Variants in GCFC2 observed in about 807,000 individuals in gnomAD.
GCFC2 encodes GC-rich sequence DNA-binding factor 2, also known as intron Large complex component GCFC2.
In GCFC2, 102 loss-of-function variants were observed where a neutral mutation model predicts 99.4. That is an observed-to-expected ratio of 1.03 (90% confidence interval 0.87 to 1.21). The LOEUF is 1.21. GCFC2 is among the 50% of genes most tolerant of loss of function. The pLI is 0.00. For synonymous variants in GCFC2, 338 were observed against 316.8 expected (o/e 1.07, Z -0.71); for missense variants, 973 against 920.9 (o/e 1.06, Z -0.73).
intron 13 of GCFC2, among the ~76,000 whole-genome samples, chr2:75,673,183 G>T (rs191354792): frequency 6.6e-6 from 1 of 152,062 alleles, no homozygotes; most frequent in African/African-American, 2.4e-5. Context: ...GGTGGCGGGC[G>T]CCTGTAGTCC....
intron 2 of GCFC2, among the ~76,000 whole-genome samples, chr2:75,703,136 C>A (rs1288698573): frequency 6.6e-6 from 1 of 152,014 alleles, no homozygotes; most frequent in Non-Finnish European, 1.5e-5. Flanking sequence ...ATAAACTCTT[C>A]CAATTTAAAA....
chr2:75,710,231 C>T (rs1558758618), intron 1 of GCFC2, among the ~76,000 whole-genome samples: 2 of 152,162 alleles, frequency 1.3e-5, no homozygotes, highest in Non-Finnish European at 2.9e-5. Context: ...TAACTTCTGC[C>T]CACTTAATAG....
rs912402536 is a variant in GCFC2 at position 75,664,250 on chromosome 2, T to G, written c.*416A>C. The G allele has an allele frequency of 3.9e-5, 6 of 152,574 alleles. No homozygotes were observed. The highest frequency in any genetic ancestry group is 1.2e-4 in the African/African-American group (5 of 41,472). The allele number at this position is 152,574 out of a possible 1,614,324, so 9.5% of individuals were successfully genotyped here. On this transcript the variant is annotated 3_prime_UTR_variant, in exon 17 of 17. Coordinates refer to ENST00000321027, the MANE Select transcript of GCFC2 (RefSeq NM_003203.5). ...TACTTAGCAAATAATTCACTCCAAC[T>G]GAGATTTTCATATTGACTTATTTTT...
chr2:75,703,326 C>A (rs1377281550), intron 2 of GCFC2, among the ~76,000 whole-genome samples: 1 of 152,170 alleles, frequency 6.6e-6, no homozygotes, highest in Non-Finnish European at 1.5e-5. Context: ...AACTTTCCCA[C>A]AAGTTGACCC....
chr2:75,705,181 GA>G (rs1680787226), intron 2 of GCFC2, among the ~76,000 whole-genome samples: 1 of 152,100 alleles, frequency 6.6e-6, no homozygotes, highest in South Asian at 2.1e-4. Flanking sequence ...ACTGTATCTA[GA>G]ATCCAGACAA....
intron 5 of GCFC2, among the ~76,000 whole-genome samples, chr2:75,695,234 A>G (rs754178432): frequency 8.5e-5 from 13 of 152,128 alleles, no homozygotes; most frequent in Non-Finnish European, 1.3e-4. Flanking sequence ...CATATTGTCT[A>G]TGGCTGTTTT....
intron 11 of GCFC2, among the ~76,000 whole-genome samples, chr2:75,683,771 CAAA>C (rs749580096): frequency 5.0e-5 from 3 of 60,420 alleles, no homozygotes; most frequent in Non-Finnish European, 6.1e-5. Context: ...AAATGGAAAG[CAAA>C]AAAAAAAAAA....
At chr2:75,687,693 T>A in intron 11 of GCFC2, 134 bp downstream of exon 11, 1 of 725,778 alleles carries the variant, frequency 1.4e-6, no homozygotes, top group Non-Finnish European at 2.3e-6. Context: ...TTGACAGCTG[T>A]TGATTTTTAC....
chr2:75,705,381 TGA>T (rs1305866488), intron 2 of GCFC2, among the ~76,000 whole-genome samples: 2 of 151,914 alleles, frequency 1.3e-5, no homozygotes, highest in African/African-American at 4.8e-5. Flanking sequence ...CCCAGCACTT[TGA>T]GAGTCCGAGG....
intron 11 of GCFC2, among the ~76,000 whole-genome samples, chr2:75,685,825 G>T (rs1397979034): frequency 6.6e-6 from 1 of 152,012 alleles, no homozygotes; most frequent in African/African-American, 2.4e-5. Context: ...AAATCAACAT[G>T]TCCCAAACTG....
chr2:75,690,378 A>T (rs1680011731), intron 8 of GCFC2: 1 of 505,208 alleles, frequency 2.0e-6, no homozygotes, highest in African/African-American at 2.0e-5. Flanking sequence ...GGTAATTATA[A>T]TTAGGACCGG....
chr2:75,667,337 T>G (rs1678889130), intron 15 of GCFC2, among the ~76,000 whole-genome samples: 1 of 152,088 alleles, frequency 6.6e-6, no homozygotes, highest in Non-Finnish European at 1.5e-5. Context: ...TCATACAGAT[T>G]ATGCTACATT....
chr2:75,699,356 C>T (rs1680471508), intron 4 of GCFC2, among the ~76,000 whole-genome samples: 1 of 152,130 alleles, frequency 6.6e-6, no homozygotes, highest in Non-Finnish European at 1.5e-5. Flanking sequence ...CTTCTTTTGG[C>T]TTACAAGTAT....
intron 4 of GCFC2, among the ~76,000 whole-genome samples, chr2:75,698,734 A>C (rs999972171): frequency 6.6e-6 from 1 of 152,154 alleles, no homozygotes; most frequent in Non-Finnish European, 1.5e-5. Flanking sequence ...CCATATGGCC[A>C]GACACAGTGG....
upstream of GCFC2, among the ~76,000 whole-genome samples, chr2:75,712,090 T>C (rs547404965): frequency 2.6e-3 from 393 of 152,148 alleles, 3 homozygotes; most frequent in African/African-American, 9.0e-3. Context: ...GGATTGTAAA[T>C]ACACCAATCA....
At chr2:75,691,579 AAG>A (rs1680074607) in intron 7 of GCFC2, among the ~76,000 whole-genome samples, 1 of 152,156 alleles carries the variant, frequency 6.6e-6, no homozygotes, top group African/African-American at 2.4e-5. Context: ...CGAAAAAAAA[AAG>A]AGGAGGCATC....
At chr2:75,665,858 T>C in intron 16 of GCFC2, 71 bp downstream of exon 16, 1 of 954,944 alleles carries the variant, frequency 1.0e-6, no homozygotes, top group Non-Finnish European at 1.5e-6. Flanking sequence ...TACAAATCTT[T>C]CTAAAAGTTG....
At chr2:75,691,260 T>C (rs1680054617) in intron 7 of GCFC2, among the ~76,000 whole-genome samples, 2 of 152,210 alleles carry the variant, frequency 1.3e-5, no homozygotes, top group African/African-American at 2.4e-5. Context: ...AAATAATATA[T>C]TGTAAGTTAT....
chr2:75,665,944 G>T lies in GCFC2; in HGVS notation c.2213C>A (p.Ser738Tyr). The T allele has an allele frequency of 6.3e-7, 1 of 1,589,354 alleles. No individual in the cohort carries two copies. Reference protein sequence around the residue: ...QFLLQSAHKLSRSEFRDEVEE... With the variant: ...QFLLQSAHKLYRSEFRDEVEE... ...TATGCATTACCTGAATTCACTTCTA[G>T]ATAATTTATGTGCAGACTGCAATAA... Residue 738 changes from serine (S) to tyrosine (Y), a missense_variant, in exon 16 of 17, where the codon TCT becomes TAT. By Grantham distance (144) the Ser-to-Tyr change is moderately radical (BLOSUM62 -2). Coordinates refer to ENST00000321027, the MANE Select transcript of GCFC2 (RefSeq NM_003203.5).
Sources: allele counts gnomAD v4.1 joint callset (sites outside exome capture counted in the v4.1 genomes callset), GRCh38; gene constraint gnomAD v4.1.1; transcripts MANE v1.5; gene names NCBI Gene and HGNC (gene_info 2026-07-23, HGNC 2026-07-21).